Variants in DYNLT5 observed in about 807,000 individuals in gnomAD.
DYNLT5 encodes the protein dynein light chain Tctex-type family member 5.
Under a neutral mutation model 19.3 loss-of-function variants are expected in DYNLT5, and 25 were observed. That is an observed-to-expected ratio of 1.30 (90% CI 0.95 to 1.81). DYNLT5 has a LOEUF of 1.81. DYNLT5 is among the 40% of genes most tolerant of loss of function. DYNLT5 has a pLI of 0.00. For synonymous variants in DYNLT5, 82 were observed against 68.9 expected (o/e 1.19, Z -0.94); for missense variants, 232 against 217.9 (o/e 1.06, Z -0.41).
intron 2 of DYNLT5, among the ~76,000 whole-genome samples, chr1:66,766,631 T>C (rs2094655795): frequency 6.6e-6 from 1 of 152,240 alleles, no homozygotes; most frequent in South Asian, 2.1e-4. Flanking sequence ...TATTTTCTCT[T>C]TTCCTTTTTT....
rs377123105 is a variant in DYNLT5, at chr1:66,766,364, G to A, written c.120-4023G>A. Among the ~76,000 whole-genome samples, 25 of 152,266 alleles carry A rather than the reference G, an allele frequency of 1.6e-4. 1 individual carries two copies. Among genetic ancestry groups the A allele is most frequent in the Admixed American group, 2.6e-4 (4 of 15,292 alleles). On this transcript the variant is annotated intron_variant, in intron 2 of 4. Transcript: ENST00000282670. ...GATATATACCCCAAAAATGTATTGT[G>A]CCAGGTATATGGCACTGGTAATTAA...
chr1:66,772,561 A>T (rs79547361), intron 3 of DYNLT5, among the ~76,000 whole-genome samples: 2,315 of 152,342 alleles, frequency 0.015, 59 homozygotes, highest in African/African-American at 0.052. Flanking sequence ...GGACTTTGGT[A>T]AATAGTTTAT....
At chr1:66,764,956 G>A (rs2094652031) in intron 2 of DYNLT5, among the ~76,000 whole-genome samples, 1 of 152,166 alleles carries the variant, frequency 6.6e-6, no homozygotes. Flanking sequence ...TAGGTGGAAA[G>A]TTCCCAAGTA....
intron 1 of DYNLT5, among the ~76,000 whole-genome samples, chr1:66,753,936 G>A (rs953467275): frequency 1.8e-4 from 27 of 147,524 alleles, no homozygotes; most frequent in Admixed American, 9.4e-4. Flanking sequence ...GGTAACAAGA[G>A]CTAGATCCTG....
chr1:66,768,091 A>G (rs757324284), intron 2 of DYNLT5, among the ~76,000 whole-genome samples: 2 of 152,242 alleles, frequency 1.3e-5, no homozygotes, highest in Non-Finnish European at 2.9e-5. Flanking sequence ...TAATAGTAGA[A>G]TATTGGAAAT....
At position 66,754,789 on chromosome 1, in the gene DYNLT5, T is replaced by C. The variant is rs557315119; in HGVS notation, c.119+12T>C. 27 of 1,601,906 alleles carry C rather than the reference T, an allele frequency of 1.7e-5. No homozygotes were observed. The East Asian group carries it at 5.2e-4, about 31-fold the overall frequency. On this transcript the variant is annotated intron_variant, in intron 2 of 4. Transcript: ENST00000282670. ...GGGCGCATCAAAGAGTGAGTAACTG[T>C]CTAAAATTGTAAATTCATTTATTGA...
chr1:66,756,631 C>T (rs1043047947), intron 2 of DYNLT5, among the ~76,000 whole-genome samples: 1 of 152,126 alleles, frequency 6.6e-6, no homozygotes, highest in Non-Finnish European at 1.5e-5. Flanking sequence ...CGCATTAATC[C>T]TACTAGGTAG....
chr1:66,760,624 G>A (rs952229337), intron 2 of DYNLT5, among the ~76,000 whole-genome samples: 1 of 152,118 alleles, frequency 6.6e-6, no homozygotes, highest in African/African-American at 2.4e-5. Context: ...CAAAAGAACA[G>A]TTTCATTTGT....
At chr1:66,759,019 G>T (rs926430983) in intron 2 of DYNLT5, among the ~76,000 whole-genome samples, 3 of 152,116 alleles carry the variant, frequency 2.0e-5, no homozygotes, top group African/African-American at 7.2e-5. Context: ...CCCCCAAAAA[G>T]AGAAAATAGT....
At chr1:66,773,465 T>G (rs767514636) in intron 3 of DYNLT5, among the ~76,000 whole-genome samples, 3 of 152,174 alleles carry the variant, frequency 2.0e-5, no homozygotes, top group Non-Finnish European at 4.4e-5. Context: ...CCTCACTGTC[T>G]CCAGACTTAC....
intron 2 of DYNLT5, among the ~76,000 whole-genome samples, chr1:66,764,005 C>A (rs1572546756): frequency 6.6e-6 from 1 of 151,912 alleles, no homozygotes; most frequent in South Asian, 2.1e-4. Context: ...GGCAACATGG[C>A]AAAACCCTGT....
chr1:66,752,741 T>C (rs1216248217), intron 1 of DYNLT5, among the ~76,000 whole-genome samples, 157 bp downstream of exon 1: 1 of 152,222 alleles, frequency 6.6e-6, no homozygotes, highest in Non-Finnish European at 1.5e-5. Flanking sequence ...ATCCCAAATT[T>C]GGGAACTGAA....
intron 2 of DYNLT5, among the ~76,000 whole-genome samples, chr1:66,762,609 G>C (rs1172075362): frequency 6.6e-6 from 1 of 152,172 alleles, no homozygotes; most frequent in Non-Finnish European, 1.5e-5. Flanking sequence ...CTAGAATGGT[G>C]AATCCTTTTC....
Position 66,776,287 on chromosome 1 carries a change from A to T in DYNLT5, c.220A>T (p.Lys74Ter). The change falls in exon 4 of 5, where the codon AAA becomes TAA. Residue 74 changes from lysine to a stop codon, truncating the protein, a stop_gained. Transcript: ENST00000282670. LOFTEE classifies it high-confidence loss of function. Reference sequence around the variant, plus strand: ...TTTATGTGTATTTTCAGGTCCTCCCAAACATTTTCCTGTGGTCACCGTCAA... The same window carrying T: ...TTTATGTGTATTTTCAGGTCCTCCCTAACATTTTCCTGTGGTCACCGTCAA... ...MENTYQLGPP[K>*]HFPVVTVNHI... The T allele has an allele frequency of 6.2e-7, 1 of 1,612,236 alleles. No homozygotes were observed.
chr1:66,756,138 C>CA (rs887161569), intron 2 of DYNLT5, among the ~76,000 whole-genome samples: 2 of 152,118 alleles, frequency 1.3e-5, no homozygotes, highest in Non-Finnish European at 2.9e-5. Flanking sequence ...AATAAGAATA[C>CA]AAAAATCATA....
chr1:66,762,844 G>A (rs1393286468), intron 2 of DYNLT5, among the ~76,000 whole-genome samples: 5 of 151,930 alleles, frequency 3.3e-5, no homozygotes, highest in Non-Finnish European at 5.9e-5. Flanking sequence ...GGGGTTAGGG[G>A]AAAAAAATAG....
At chr1:66,761,620 T>G (rs1195664910) in intron 2 of DYNLT5, among the ~76,000 whole-genome samples, 1 of 152,050 alleles carries the variant, frequency 6.6e-6, no homozygotes, top group Non-Finnish European at 1.5e-5. Context: ...CCCCCTTCCC[T>G]ACAAACAAAT....
intron 3 of DYNLT5, 126 bp from the exon 4 acceptor site, chr1:66,776,153 C>A (rs377358771): frequency 1.6e-6 from 2 of 1,276,700 alleles, no homozygotes; most frequent in Non-Finnish European, 2.1e-6. Context: ...CCACTTGTTT[C>A]TTTCAATAGA....
intron 2 of DYNLT5, among the ~76,000 whole-genome samples, chr1:66,756,060 G>A (rs1411645383): frequency 1.3e-5 from 2 of 151,800 alleles, no homozygotes; most frequent in Non-Finnish European, 2.9e-5. Flanking sequence ...ATCAGAGTGT[G>A]GCTACATTTG....
Sources: allele counts gnomAD v4.1 joint callset (sites outside exome capture counted in the v4.1 genomes callset), GRCh38; gene constraint gnomAD v4.1.1; transcripts MANE v1.5; gene names NCBI Gene and HGNC (gene_info 2026-07-23, HGNC 2026-07-21).